The following NR2C1 variants were observed in gnomAD, a reference collection of about 807,000 sequenced individuals.
NR2C1 encodes nuclear receptor subfamily 2 group C member 1.
NR2C1 carries 33 observed loss-of-function variants against 74.8 expected under a neutral mutation model. The observed-to-expected ratio is 0.44, with a 90% CI of 0.33 to 0.59. The LOEUF (loss-of-function observed/expected upper bound fraction) is 0.59, where lower values mean the gene tolerates loss of function less well. NR2C1 is among the 20% of genes least tolerant of loss of function. The pLI, the probability that NR2C1 is intolerant of heterozygous loss-of-function variation, is 0.02. For missense variants in NR2C1, 568 were observed against 715.6 expected, an observed-to-expected ratio of 0.79 and a Z score of 2.35; for synonymous variants, 225 against 240.6, an observed-to-expected ratio of 0.94 and a Z score of 0.60.
intron 10 of NR2C1, 150 bp from the exon 11 acceptor site, chr12:95,031,638 A>G (rs562413990): frequency 1.7e-5 from 9 of 518,780 alleles, no homozygotes; most frequent in Admixed American, 1.3e-4. Flanking sequence ...TGTATAGCTG[A>G]TAACAAAATG....
Position 95,050,472 on chromosome 12 carries a change from C to G in NR2C1, c.966-1239G>C, listed in dbSNP as rs1872829053. Among the ~76,000 whole-genome samples, 3 of 152,070 alleles carry G rather than the reference C, an allele frequency of 2.0e-5. No individual in the cohort carries two copies. The South Asian group carries it at 6.2e-4, about 32-fold the overall frequency. ...TACAGGCATGCGCCACCACACCCAG[C>G]TAATTTTTTCATTTTTAGTAGAGAT... On this transcript the variant is annotated intron_variant, in intron 8 of 13. Transcript: ENST00000333003.
At chr12:95,032,789 G>T (rs752157486) in intron 10 of NR2C1, among the ~76,000 whole-genome samples, 11 of 152,058 alleles carry the variant, frequency 7.2e-5, no homozygotes, top group African/African-American at 2.7e-4. Flanking sequence ...GCAACATGGC[G>T]AAACTCTATC....
At chr12:95,048,419 T>C (rs76447046) in intron 9 of NR2C1, among the ~76,000 whole-genome samples, 4,671 of 152,310 alleles carry the variant, frequency 0.031, 133 homozygotes, top group Middle Eastern at 0.095. Flanking sequence ...TAACAAAATG[T>C]GCTGAAAAGT....
chr12:95,048,622 G>GTTTTT lies in NR2C1; in HGVS notation c.1131+441_1131+445dup, dbSNP rs899683567. Among the ~76,000 whole-genome samples, 276 of 130,480 alleles carry GTTTTT rather than the reference G, an allele frequency of 2.1e-3. 4 individuals are homozygous for GTTTTT. Among genetic ancestry groups the GTTTTT allele is most frequent in the African/African-American group, 7.0e-3 (252 of 36,104 alleles). 85.6% of individuals were successfully genotyped at this position (130,480 alleles called of 152,430 possible). On this transcript the variant is annotated intron_variant, in intron 9 of 13. Transcript: ENST00000333003. ...ACATTTTGTTTCTATATGCAGATGA[G>GTTTTT]TTTTTTTTTTTTTTTTTTTGAGACA...
rs888598222 is a variant in NR2C1, at chr12:95,041,992, C to T, written c.1132-1395G>A. ...AGATAAACTGAGATGTAATGGTATA[C>T]AAAAAATCTCACAGACATCCAAGTG... On this transcript the variant is annotated intron_variant, in intron 9 of 13. Transcript: ENST00000333003. Among the ~76,000 whole-genome samples, 5 of 152,034 alleles carry T rather than the reference C, an allele frequency of 3.3e-5. No homozygotes were observed. In the East Asian group the frequency reaches 7.7e-4, roughly 24 times the overall value.
chr12:95,068,358 G>A (rs922409925), intron 1 of NR2C1, among the ~76,000 whole-genome samples: 10 of 152,162 alleles, frequency 6.6e-5, no homozygotes, highest in African/African-American at 2.4e-4. Flanking sequence ...TGGTGGTCAG[G>A]ACATCACCAT....
intron 10 of NR2C1, among the ~76,000 whole-genome samples, chr12:95,039,746 C>A (rs1330276571): frequency 1.3e-5 from 2 of 152,206 alleles, no homozygotes; most frequent in Non-Finnish European, 2.9e-5. Flanking sequence ...ATTGGCCCCC[C>A]TTAGCCTCTA....
chr12:95,044,644 G>T (rs539070795), intron 9 of NR2C1, among the ~76,000 whole-genome samples: 54 of 152,158 alleles, frequency 3.5e-4, no homozygotes, highest in South Asian at 1.2e-3. Context: ...CAGCACTTTG[G>T]GGGGGCCGAG....
chr12:95,073,305 G>A (rs1877025124), intron 1 of NR2C1, 75 bp downstream of exon 1: 1 of 152,266 alleles, frequency 6.6e-6, no homozygotes, highest in African/African-American at 2.4e-5. Context: ...GCGTCCGTTG[G>A]CGGTTGGGGT....
chr12:95,030,688 G>C (rs886637804), intron 11 of NR2C1: 9 of 1,603,276 alleles, frequency 5.6e-6, no homozygotes, highest in Admixed American at 1.7e-5. Context: ...ATAAGAAATA[G>C]AATATGCTAA....
chr12:95,043,871 C>T (rs1592750429), intron 9 of NR2C1, among the ~76,000 whole-genome samples: 2 of 152,120 alleles, frequency 1.3e-5, no homozygotes, highest in South Asian at 2.1e-4. Context: ...ACTAAAGGGA[C>T]TCGTTATTTA....
At chr12:95,044,832 C>T (rs1230515857) in intron 9 of NR2C1, among the ~76,000 whole-genome samples, 4 of 152,064 alleles carry the variant, frequency 2.6e-5, no homozygotes, top group African/African-American at 4.8e-5. Context: ...CAGTGAGTCG[C>T]GATCATGCCA....
At chr12:95,056,301 C>T (rs1181756790) in intron 7 of NR2C1, among the ~76,000 whole-genome samples, 1 of 152,172 alleles carries the variant, frequency 6.6e-6, no homozygotes, top group Admixed American at 6.5e-5. Flanking sequence ...AAACCCTGAT[C>T]ATAGGCTTCC....
intron 1 of NR2C1, among the ~76,000 whole-genome samples, chr12:95,072,318 G>A (rs1171212360): frequency 1.3e-5 from 2 of 151,314 alleles, no homozygotes; most frequent in Non-Finnish European, 1.5e-5. Context: ...GCTGGGTGTG[G>A]TGGCTCGTGT....
chr12:95,068,755 T>C (rs926847646), intron 1 of NR2C1, among the ~76,000 whole-genome samples: 22 of 149,758 alleles, frequency 1.5e-4, no homozygotes, highest in East Asian at 3.9e-4. Flanking sequence ...GATTGCACCA[T>C]TGCACTCCAG....
intron 11 of NR2C1, chr12:95,030,468 T>C (rs1004345055): frequency 6.7e-7 from 1 of 1,489,246 alleles, no homozygotes; most frequent in African/African-American, 1.4e-5. Context: ...AACCCATCCA[T>C]TAGTAATTAG....
In NR2C1 at chr12:95,049,942, T is replaced by C. The variant is rs138718919; in HGVS notation, c.966-709A>G. On this transcript the variant is annotated intron_variant, in intron 8 of 13. Transcript: ENST00000333003. ...AACCTCCCGAGCAGCTGGGACTACA[T>C]GTGCGCACCACCATGCTCAGCTAAT... Among the ~76,000 whole-genome samples, 41 of 152,166 alleles carry C rather than the reference T, an allele frequency of 2.7e-4. No individual in the cohort carries two copies. The East Asian group carries it at 7.2e-3, about 27-fold the overall frequency.
chr12:95,064,096 G>A (rs558803114), intron 2 of NR2C1, among the ~76,000 whole-genome samples: 3 of 149,552 alleles, frequency 2.0e-5, no homozygotes, highest in East Asian at 2.0e-4. Context: ...TTGGGAGGCC[G>A]AGGCGGGCAA....
At chr12:95,035,396 C>G (rs922833997) in intron 10 of NR2C1, among the ~76,000 whole-genome samples, 4 of 151,966 alleles carry the variant, frequency 2.6e-5, no homozygotes, top group South Asian at 4.2e-4. Context: ...ACCTCTGATT[C>G]TGAAGTTTTA....
Sources: allele counts gnomAD v4.1 joint callset (sites outside exome capture counted in the v4.1 genomes callset), GRCh38; gene constraint gnomAD v4.1.1; transcripts MANE v1.5; gene names NCBI Gene and HGNC (gene_info 2026-07-23, HGNC 2026-07-21).